The following GLO1 variants were observed in gnomAD, a reference collection of about 807,000 sequenced individuals.
GLO1 encodes the protein lactoylglutathione lyase.
In GLO1, 28 loss-of-function variants were observed where a neutral mutation model predicts 26.0. The observed-to-expected ratio is 1.08, with a 90% CI of 0.80 to 1.48. The LOEUF (loss-of-function observed/expected upper bound fraction) is 1.48. GLO1 is among the 40% of genes most tolerant of loss of function. GLO1 has a pLI of 0.00. For missense variants in GLO1, 225 were observed against 224.8 expected (o/e 1.00, Z -0.01); for synonymous variants, 78 against 77.6 (o/e 1.00, Z -0.03).
intron 1 of GLO1, among the ~76,000 whole-genome samples, chr6:38,702,016 C>T (rs12209475): frequency 0.29 from 43,058 of 150,772 alleles, 7,170 homozygotes; most frequent in Non-Finnish European, 0.39. Context: ...CTGCAAGCTC[C>T]GCCTCCCGGG....
chr6:38,699,908 T>G (rs1368947901), intron 1 of GLO1, among the ~76,000 whole-genome samples: 1 of 152,102 alleles, frequency 6.6e-6, no homozygotes, highest in Non-Finnish European at 1.5e-5. Context: ...TTATCAGTAG[T>G]TCTGCTTTTG....
intron 1 of GLO1, 79 bp downstream of exon 1, chr6:38,702,892 G>A (rs1761726203): frequency 3.9e-6 from 3 of 778,040 alleles, no homozygotes; most frequent in South Asian, 3.0e-5. Context: ...CAGCGGCGGC[G>A]GGATGGGGTT....
At position 38,687,215 on chromosome 6, in the gene GLO1, C is replaced by G. The variant is rs191724012; in HGVS notation, c.85-241G>C. On this transcript the variant is annotated intron_variant, in intron 1 of 5. Transcript: ENST00000373365. ...ATGGTCGATAAAAAACCTGGCATCC[C>G]TGTCCCTTGGTGGGACAATTCAGAG... The G allele has an allele frequency of 7.0e-4, 306 of 440,240 alleles. 1 individual carries two copies. Among genetic ancestry groups the G allele is most frequent in the African/African-American group, 6.1e-3 (285 of 46,452 alleles). 27.3% of individuals were successfully genotyped at this position (440,240 alleles called of 1,614,324 possible). A position where few individuals can be genotyped will look rare whatever the true frequency, so the allele number is the denominator to read the frequency against.
chr6:38,682,560 C>T (rs2127546173), intron 4 of GLO1, among the ~76,000 whole-genome samples: 1 of 151,952 alleles, frequency 6.6e-6, no homozygotes, highest in African/African-American at 2.4e-5. Context: ...AAAAAGTCTA[C>T]TGGAAATTAA....
At chr6:38,701,949 T>TA (rs1265531958) in intron 1 of GLO1, among the ~76,000 whole-genome samples, 3 of 149,798 alleles carry the variant, frequency 2.0e-5, no homozygotes, top group Non-Finnish European at 3.0e-5. Flanking sequence ...TTTTTTTTTT[T>TA]AGACAGAGTC....
At chr6:38,698,657 CTTT>C (rs34080103) in intron 1 of GLO1, among the ~76,000 whole-genome samples, 1 of 110,004 alleles carries the variant, frequency 9.1e-6, no homozygotes, top group East Asian at 2.6e-4. Context: ...AGAACCTGAC[CTTT>C]TTTTTTTTTT....
At position 38,684,431 on chromosome 6, in the gene GLO1, T is replaced by C. The variant is rs764162057; in HGVS notation, c.251A>G (p.Glu84Gly). Residue 84 changes from glutamate (E) to glycine (G), a missense_variant, in exon 3 of 6, where the codon GAA (glutamate) becomes GGA (glycine). By Grantham distance (98) the Glu-to-Gly change is moderately conservative. Transcript: ENST00000373365. ...CGCCCAGGCTATTTTTTCATCTTTT[T>C]CTTTAGGGATGTCATTTTTATCCTC... is the stretch of plus-strand genomic sequence containing the variant. ...AYEDKNDIPK[E>G]KDEKIAWALS... 1.3e-6 allele frequency: 2 copies of C among 1,577,038 alleles called. No homozygotes were observed. The highest frequency in any genetic ancestry group is 4.7e-5 in the East Asian group (2 of 42,768).
intron 1 of GLO1, 96 bp downstream of exon 1, chr6:38,702,875 G>T: frequency 1.4e-6 from 1 of 699,980 alleles, no homozygotes; most frequent in East Asian, 2.8e-5. Context: ...CGAGGCCGGC[G>T]GACCTGCAGC....
chr6:38,684,622 T>G (rs1302407542), intron 2 of GLO1, 108 bp from the exon 3 acceptor site: 3 of 587,076 alleles, frequency 5.1e-6, no homozygotes, highest in Non-Finnish European at 7.7e-6. Flanking sequence ...AAGAGCTATA[T>G]GTAGTAAGCC....
At chr6:38,701,444 A>G (rs1761696999) in intron 1 of GLO1, among the ~76,000 whole-genome samples, 1 of 150,508 alleles carries the variant, frequency 6.6e-6, no homozygotes, top group African/African-American at 2.5e-5. Flanking sequence ...GTGGAATGTA[A>G]ATTAAGCTGC....
At chr6:38,702,023 C>T (rs12209477) in intron 1 of GLO1, among the ~76,000 whole-genome samples, 4 of 151,060 alleles carry the variant, frequency 2.6e-5, no homozygotes, top group Admixed American at 2.6e-4. Context: ...CTCCGCCTCC[C>T]GGGTTCATGC....
intron 5 of GLO1, among the ~76,000 whole-genome samples, chr6:38,678,116 C>A (rs139736267): frequency 1.3e-5 from 2 of 152,172 alleles, no homozygotes; most frequent in Non-Finnish European, 2.9e-5. Flanking sequence ...CCAAGCTCTG[C>A]GAGAGTCTTT....
intron 1 of GLO1, among the ~76,000 whole-genome samples, chr6:38,699,950 A>G (rs963912535): frequency 2.0e-5 from 3 of 151,598 alleles, no homozygotes; most frequent in Non-Finnish European, 4.4e-5. Context: ...TTAGACCCTT[A>G]TTAGTAGTTC....
chr6:38,683,204 G>A (rs1004974479), intron 3 of GLO1: 1 of 206,294 alleles, frequency 4.8e-6, no homozygotes, highest in African/African-American at 2.3e-5. Context: ...CCATTCTATT[G>A]ATGAAACTGC....
intron 1 of GLO1, among the ~76,000 whole-genome samples, chr6:38,700,098 A>AC (rs1276326211): frequency 3.9e-5 from 6 of 152,046 alleles, no homozygotes; most frequent in African/African-American, 2.4e-5. Context: ...ATGTGATGTC[A>AC]CCCCCCGGCA....
At chr6:38,694,651 C>A (rs1231685886) in intron 1 of GLO1, among the ~76,000 whole-genome samples, 2 of 151,942 alleles carry the variant, frequency 1.3e-5, no homozygotes, top group African/African-American at 4.8e-5. Flanking sequence ...TGCACTCCAG[C>A]CTGGGTGACA....
chr6:38,698,908 T>C (rs577372526), intron 1 of GLO1, among the ~76,000 whole-genome samples: 5 of 152,252 alleles, frequency 3.3e-5, no homozygotes, highest in Admixed American at 2.6e-4. Flanking sequence ...AGTGGCCTAA[T>C]CACCTCCAGA....
chr6:38,677,436 A>T, intron 5 of GLO1, 53 bp from the exon 6 acceptor site: 1 of 842,950 alleles, frequency 1.2e-6, no homozygotes. Flanking sequence ...AAACACCATA[A>T]AAATGTTTTT....
intron 1 of GLO1, among the ~76,000 whole-genome samples, chr6:38,699,048 T>C (rs1371551574): frequency 6.6e-6 from 1 of 152,164 alleles, no homozygotes; most frequent in African/African-American, 2.4e-5. Flanking sequence ...CAACCTACCA[T>C]GTTAGCCTCT....
Sources: gnomAD v4.1 joint callset for allele counts (sites outside exome capture counted in the v4.1 genomes callset) on GRCh38, gnomAD v4.1.1 for gene constraint, MANE v1.5 for transcripts, NCBI Gene and HGNC (gene_info 2026-07-23, HGNC 2026-07-21) for gene names.